ADAMTS3: variants seen among roughly 807,000 people sequenced by gnomAD.
The protein encoded by ADAMTS3 is ADAM metallopeptidase with thrombospondin type 1 motif 3, also known as A disintegrin and metalloproteinase with thrombospondin motifs 3.
ADAMTS3 carries 73 observed loss-of-function variants against 129.0 expected under a neutral mutation model. The ratio of observed to expected loss-of-function variants is 0.57; its 90% CI spans 0.47 to 0.69. The LOEUF is 0.69. Among genes scored for constraint, ADAMTS3 ranks in the 30% least tolerant of loss-of-function variants. ADAMTS3 has a pLI of 0.00. For missense variants in ADAMTS3, 1,457 were observed against 1,514.5 expected (o/e 0.96, Z 0.63); for synonymous variants, 477 against 510.8 (o/e 0.93, Z 0.89).
intron 3 of ADAMTS3, among the ~76,000 whole-genome samples, chr4:72,474,623 C>T (rs1008960082): frequency 1.3e-5 from 2 of 152,184 alleles, no homozygotes; most frequent in Middle Eastern, 3.4e-3. Context: ...ATACTTCATT[C>T]AAACTGGTAA....
intron 9 of ADAMTS3, among the ~76,000 whole-genome samples, chr4:72,318,971 ATGGTG>A (rs1191882795): frequency 6.6e-6 from 1 of 152,202 alleles, no homozygotes; most frequent in Non-Finnish European, 1.5e-5. Context: ...AAACCACCAC[ATGGTG>A]TGGTAGGGCA....
chr4:72,411,248 T>C (rs1722177352), intron 4 of ADAMTS3, among the ~76,000 whole-genome samples: 1 of 152,096 alleles, frequency 6.6e-6, no homozygotes, highest in South Asian at 2.1e-4. Context: ...TCTTAACAGT[T>C]TCAAAGCTGT....
chr4:72,319,097 T>A (rs548178646), intron 9 of ADAMTS3, among the ~76,000 whole-genome samples: 10 of 152,184 alleles, frequency 6.6e-5, no homozygotes, highest in Non-Finnish European at 1.3e-4. Context: ...GATAACAATT[T>A]ACTAAAGGAA....
chr4:72,313,809 C>A lies in ADAMTS3; in HGVS notation c.1613G>T (p.Gly538Val). ...ECAAGKWCYK[G>V]HCMWKNANQQ... ...ATTAGCATTCTTCCACATGCAATGACCCTTATAGCACCACTTAGAAAAATG... is the reference window on the plus strand; with the variant it reads ...ATTAGCATTCTTCCACATGCAATGAACCTTATAGCACCACTTAGAAAAATG... The change falls in exon 12 of 22, where the codon GGT (glycine) becomes GTT (valine). Residue 538 changes from glycine (G) to valine (V), a missense_variant. Transcript: ENST00000286657. 6.2e-7 allele frequency: 1 copy of A among 1,613,698 alleles called. No homozygotes were observed. Among genetic ancestry groups the A allele is most frequent in the Non-Finnish European group, 8.5e-7 (1 of 1,179,772 alleles).
At chr4:72,299,328 A>G (rs543309372) in intron 17 of ADAMTS3, among the ~76,000 whole-genome samples, 31 of 151,804 alleles carry the variant, frequency 2.0e-4, no homozygotes, top group Admixed American at 2.6e-4. Context: ...ACAATGCAAG[A>G]TATCAATGTA....
At chr4:72,333,556 A>G (rs1487558818) in intron 5 of ADAMTS3, among the ~76,000 whole-genome samples, 2 of 151,926 alleles carry the variant, frequency 1.3e-5, no homozygotes, top group African/African-American at 2.4e-5. Flanking sequence ...GGCCTCTTCA[A>G]TTTTTCTTTA....
intron 3 of ADAMTS3, among the ~76,000 whole-genome samples, chr4:72,516,694 G>A (rs1186231544): frequency 6.6e-6 from 1 of 152,086 alleles, no homozygotes; most frequent in Non-Finnish European, 1.5e-5. Flanking sequence ...TTTGTATCCT[G>A]ACACTTTGCT....
chr4:72,339,661 T>C lies in ADAMTS3; in HGVS notation c.694A>G (p.Thr232Ala), dbSNP rs1470468344. 2 of 1,613,826 alleles carry C rather than the reference T, an allele frequency of 1.2e-6. No homozygotes were observed. Among genetic ancestry groups the C allele is most frequent in the South Asian group, 2.2e-5 (2 of 91,072 alleles). Residue 232 changes from threonine (T) to alanine (A), a missense_variant, in exon 5 of 22, where the codon ACT (threonine) becomes GCT (alanine). Thr to Ala is a moderately conservative substitution (Grantham distance 58, BLOSUM62 0). Coordinates refer to ENST00000286657, the MANE Select transcript of ADAMTS3 (RefSeq NM_014243.3). ...TGCTGGTGGATGTTGCCATAAACAG[T>C]ACCTAGATCATCAAGGCCTTCCAGG... ...SDLEGLDDLGTVYGNIHQQLN... is the reference protein window; with the variant it reads ...SDLEGLDDLGAVYGNIHQQLN...
At chr4:72,530,614 T>G (rs1398048199) in intron 3 of ADAMTS3, among the ~76,000 whole-genome samples, 1 of 87,394 alleles carries the variant, frequency 1.1e-5, no homozygotes, top group South Asian at 3.4e-4. Flanking sequence ...ATATATATTA[T>G]ATAATATATA....
chr4:72,375,944 C>T (rs772681935), intron 4 of ADAMTS3, among the ~76,000 whole-genome samples: 3 of 151,916 alleles, frequency 2.0e-5, no homozygotes, highest in South Asian at 2.1e-4. Context: ...ATACAGATGA[C>T]GCAGAAGTTG....
chr4:72,317,941 A>G (rs1180236664), intron 10 of ADAMTS3, among the ~76,000 whole-genome samples: 1 of 151,904 alleles, frequency 6.6e-6, no homozygotes. Flanking sequence ...AGGCGGGAGA[A>G]TTGCTTGAAC....
intron 3 of ADAMTS3, among the ~76,000 whole-genome samples, chr4:72,494,676 A>G (rs1295797539): frequency 2.6e-5 from 4 of 152,198 alleles, no homozygotes; most frequent in African/African-American, 9.7e-5. Context: ...ACATCTGCAC[A>G]TTTGAGGGAG....
At chr4:72,544,210 T>C (rs1046132596) in intron 3 of ADAMTS3, among the ~76,000 whole-genome samples, 4 of 152,146 alleles carry the variant, frequency 2.6e-5, no homozygotes, top group Non-Finnish European at 4.4e-5. Flanking sequence ...GTGTTTAAAA[T>C]GTCTTGTTTT....
chr4:72,351,573 A>G (rs1720438998), intron 4 of ADAMTS3, among the ~76,000 whole-genome samples: 1 of 150,180 alleles, frequency 6.7e-6, no homozygotes, highest in Non-Finnish European at 1.5e-5. Context: ...AAAAAAAATC[A>G]CCTTTCTCAT....
chr4:72,318,678 G>C lies in ADAMTS3; in HGVS notation c.1379C>G (p.Pro460Arg). 6.2e-7 allele frequency: 1 copy of C among 1,613,548 alleles called. No homozygotes were observed. Among genetic ancestry groups the C allele is most frequent in the South Asian group, 1.1e-5 (1 of 91,048 alleles). Residue 460 changes from proline (P) to arginine (R), a missense_variant, in exon 10 of 22, where the codon CCT (proline) becomes CGT (arginine). Pro to Arg is a moderately radical substitution (Grantham distance 103, BLOSUM62 -2). Coordinates refer to ENST00000286657, the MANE Select transcript of ADAMTS3 (RefSeq NM_014243.3). ...IHSYDCLLDDPFDHDWPKLPE... is the reference protein window; with the variant it reads ...IHSYDCLLDDRFDHDWPKLPE... ...GAGTTTAGGCCAATCATGATCAAAA[G>C]GGTCATCAAGGAGACAGTCATAGGA...
chr4:72,400,234 T>C (rs538575182), intron 4 of ADAMTS3, among the ~76,000 whole-genome samples: 129 of 146,718 alleles, frequency 8.8e-4, no homozygotes, highest in African/African-American at 3.2e-3. Flanking sequence ...TATGTGTGTA[T>C]ATATGCACAC....
chr4:72,499,055 A>G (rs963820855), intron 3 of ADAMTS3, among the ~76,000 whole-genome samples: 1 of 152,120 alleles, frequency 6.6e-6, no homozygotes, highest in Non-Finnish European at 1.5e-5. Context: ...ACCAAATTCA[A>G]ATCTCTAAAA....
intron 21 of ADAMTS3, among the ~76,000 whole-genome samples, chr4:72,286,583 G>A (rs1020074796): frequency 6.6e-6 from 1 of 152,188 alleles, no homozygotes; most frequent in Non-Finnish European, 1.5e-5. Context: ...GCACCATTCA[G>A]CAGATGTCAA....
At chr4:72,471,821 T>C (rs1378026075) in intron 3 of ADAMTS3, among the ~76,000 whole-genome samples, 1 of 152,126 alleles carries the variant, frequency 6.6e-6, no homozygotes, top group African/African-American at 2.4e-5. Context: ...ATCTCTGATT[T>C]TCATTATGGT....
Sources: allele counts gnomAD v4.1 joint callset (sites outside exome capture counted in the v4.1 genomes callset), GRCh38; gene constraint gnomAD v4.1.1; transcripts MANE v1.5; gene names NCBI Gene and HGNC (gene_info 2026-07-23, HGNC 2026-07-21).